The following PTER variants were observed in gnomAD, a reference collection of about 807,000 sequenced individuals.
PTER encodes phosphotriesterase related.
In PTER, 38 loss-of-function variants were observed where a neutral mutation model predicts 29.6. The ratio of observed to expected loss-of-function variants is 1.28; its 90% CI spans 0.99 to 1.68. The LOEUF (loss-of-function observed/expected upper bound fraction) is 1.68. PTER is among the 40% of genes most tolerant of loss of function. The probability of loss-of-function intolerance (pLI) is 0.00; values close to 1 mark genes in which losing one functional copy is unlikely to be tolerated. For synonymous variants in PTER, 172 were observed against 154.5 expected (o/e 1.11, Z -0.84); for missense variants, 482 against 427.8 (o/e 1.13, Z -1.12).
chr10:16,457,533 A>T (rs1304704062), intron 1 of PTER, among the ~76,000 whole-genome samples: 1 of 151,930 alleles, frequency 6.6e-6, no homozygotes, highest in South Asian at 2.1e-4. Flanking sequence ...ATTATTAAGC[A>T]TTTCTTCTTT....
At chr10:16,502,950 C>G (rs981748321) in intron 3 of PTER, among the ~76,000 whole-genome samples, 6 of 139,296 alleles carry the variant, frequency 4.3e-5, no homozygotes, top group South Asian at 2.3e-4. Flanking sequence ...GATCACGCCA[C>G]TGCACTCCAG....
At chr10:16,499,860 G>GT (rs1028481917) in intron 3 of PTER, among the ~76,000 whole-genome samples, 5 of 151,588 alleles carry the variant, frequency 3.3e-5, no homozygotes, top group Non-Finnish European at 4.4e-5. Flanking sequence ...GTATGTCTTG[G>GT]TTTTTTTTAT....
intron 4 of PTER, among the ~76,000 whole-genome samples, chr10:16,507,737 G>A (rs1006035256): frequency 6.6e-6 from 1 of 152,202 alleles, no homozygotes; most frequent in Non-Finnish European, 1.5e-5. Flanking sequence ...CTCTACATGA[G>A]CAAATGACTT....
chr10:16,507,545 T>C (rs1447237455), intron 4 of PTER, among the ~76,000 whole-genome samples: 2 of 152,214 alleles, frequency 1.3e-5, no homozygotes, highest in African/African-American at 4.8e-5. Context: ...TGGTCATAGT[T>C]GGGACATCCT....
downstream of PTER, chr10:16,514,173 A>T: frequency 5.0e-6 from 2 of 399,586 alleles, 1 homozygote; most frequent in Admixed American, 8.7e-5. Flanking sequence ...ACATATGGAT[A>T]AAAGCAGCAA....
At chr10:16,489,349 T>C (rs1175585644) in intron 3 of PTER, among the ~76,000 whole-genome samples, 2 of 152,200 alleles carry the variant, frequency 1.3e-5, no homozygotes, top group East Asian at 3.8e-4. Context: ...TTTAAAAAAA[T>C]ATTAAACATA....
chr10:16,475,007 T>C (rs573205320), intron 1 of PTER, among the ~76,000 whole-genome samples: 1 of 152,312 alleles, frequency 6.6e-6, no homozygotes, highest in East Asian at 1.9e-4. Context: ...ATGGTCATCT[T>C]GCTGTGTGTT....
chr10:16,508,006 A>G (rs1410496897), intron 4 of PTER, among the ~76,000 whole-genome samples: 1 of 151,948 alleles, frequency 6.6e-6, no homozygotes, highest in East Asian at 1.9e-4. Context: ...ACAATCTCAA[A>G]AACATGATTT....
chr10:16,503,954 C>T (rs185607510), intron 3 of PTER, among the ~76,000 whole-genome samples: 22 of 152,326 alleles, frequency 1.4e-4, no homozygotes, highest in Admixed American at 7.8e-4. Context: ...CGCCAATTTC[C>T]GATCCGAAAC....
At chr10:16,478,534 A>C (rs371351741) in intron 1 of PTER, among the ~76,000 whole-genome samples, 1 of 151,670 alleles carries the variant, frequency 6.6e-6, no homozygotes, top group African/African-American at 2.4e-5. Context: ...GGGTTTTACT[A>C]TGTTGGCCAG....
intron 4 of PTER, among the ~76,000 whole-genome samples, chr10:16,509,924 T>A (rs1275397145): frequency 6.6e-6 from 1 of 152,176 alleles, no homozygotes; most frequent in Non-Finnish European, 1.5e-5. Context: ...GTGCTTGAGT[T>A]TTTTTTGTGT....
At chr10:16,501,963 T>A (rs1836367376) in intron 3 of PTER, among the ~76,000 whole-genome samples, 1 of 152,234 alleles carries the variant, frequency 6.6e-6, no homozygotes, top group African/African-American at 2.4e-5. Flanking sequence ...ATTGTCAGCA[T>A]GATGATAATG....
At chr10:16,477,241 A>C (rs1835302418) in intron 1 of PTER, among the ~76,000 whole-genome samples, 1 of 142,334 alleles carries the variant, frequency 7.0e-6, no homozygotes, top group African/African-American at 2.7e-5. Flanking sequence ...TGTGAACTGG[A>C]AATTCATTCT....
At chr10:16,462,337 C>T (rs933578521) in intron 1 of PTER, among the ~76,000 whole-genome samples, 1 of 152,144 alleles carries the variant, frequency 6.6e-6, no homozygotes, top group African/African-American at 2.4e-5. Flanking sequence ...AGTGGATAAT[C>T]TGTCAAAGTG....
At chr10:16,442,289 G>A (rs1833875866) in intron 1 of PTER, among the ~76,000 whole-genome samples, 1 of 152,104 alleles carries the variant, frequency 6.6e-6, no homozygotes, top group African/African-American at 2.4e-5. Flanking sequence ...TTTATGCCTT[G>A]ACAATTCGAC....
intron 3 of PTER, among the ~76,000 whole-genome samples, chr10:16,489,687 A>C (rs192319346): frequency 3.3e-5 from 5 of 152,336 alleles, no homozygotes; most frequent in African/African-American, 1.2e-4. Context: ...AACATTTTGA[A>C]ATGTACAGTT....
chr10:16,485,709 T>G (rs922551759), intron 2 of PTER, among the ~76,000 whole-genome samples: 141 of 152,296 alleles, frequency 9.3e-4, no homozygotes, highest in African/African-American at 3.2e-3. Flanking sequence ...TAACTATACA[T>G]ATGAACCCAA....
chr10:16,509,354 G>A (rs901925755), intron 4 of PTER, among the ~76,000 whole-genome samples: 4 of 152,166 alleles, frequency 2.6e-5, no homozygotes, highest in Non-Finnish European at 5.9e-5. Flanking sequence ...TTAAGTATGA[G>A]TATCTTGTCC....
intron 1 of PTER, among the ~76,000 whole-genome samples, chr10:16,440,210 CA>C (rs1833798113): frequency 6.6e-6 from 1 of 151,718 alleles, no homozygotes; most frequent in African/African-American, 2.4e-5. Flanking sequence ...GAAATATAGG[CA>C]TGCACCACCA....
Sources: gnomAD v4.1 joint callset for allele counts (sites outside exome capture counted in the v4.1 genomes callset) on GRCh38, gnomAD v4.1.1 for gene constraint, MANE v1.5 for transcripts, NCBI Gene and HGNC (gene_info 2026-07-23, HGNC 2026-07-21) for gene names.